The following PPP1R3B variants were observed in gnomAD, a reference collection of about 807,000 sequenced individuals.
PPP1R3B encodes protein phosphatase 1 regulatory subunit 3B, also known as PP1 subunit R4.
In PPP1R3B, 8 loss-of-function variants were observed where a neutral mutation model predicts 14.6. That is an observed-to-expected ratio of 0.55 (90% CI 0.32 to 0.99). The LOEUF (loss-of-function observed/expected upper bound fraction) is 0.99, where lower values mean the gene tolerates loss of function less well. Among genes scored for constraint, PPP1R3B ranks in the 50% least tolerant of loss-of-function variants. The probability of loss-of-function intolerance (pLI) is 0.04; values close to 1 mark genes in which losing one functional copy is unlikely to be tolerated. For synonymous variants in PPP1R3B, 169 were observed against 142.0 expected, an observed-to-expected ratio of 1.19 and a Z score of -1.35; for missense variants, 452 against 360.1, an observed-to-expected ratio of 1.26 and a Z score of -2.07.
rs1421108178 is a variant in PPP1R3B at position 9,139,061 on chromosome 8, G to T, written c.*1733C>A. ...AGCCTCCCGAGTAGCTGGATTACAG[G>T]CGCCTGCCACCACACTCAGCTAAAT... On this transcript the variant is annotated 3_prime_UTR_variant, in exon 2 of 2. Coordinates refer to ENST00000310455, the MANE Select transcript of PPP1R3B (RefSeq NM_024607.4). 6.6e-6 allele frequency: 1 copy of T among 152,234 alleles called. No homozygotes were observed. The highest frequency in any genetic ancestry group is 1.5e-5 in the Non-Finnish European group (1 of 68,106). The allele number at this position is 152,234 out of a possible 1,614,324, so 9.4% of individuals were successfully genotyped here.
chr8:9,145,260 T>C (rs907796179), intron 1 of PPP1R3B: 1 of 152,212 alleles, frequency 6.6e-6, no homozygotes, highest in African/African-American at 2.4e-5. Context: ...GGTCCACGTA[T>C]GCTCAGATTC....
intron 1 of PPP1R3B, among the ~76,000 whole-genome samples, chr8:9,142,129 GCT>G (rs746950172): frequency 2.6e-5 from 4 of 152,322 alleles, no homozygotes; most frequent in Admixed American, 6.5e-5. Flanking sequence ...ATAGGGTGTT[GCT>G]CTGTGCCCAG....
chr8:9,143,915 CTG>C (rs923716658), intron 1 of PPP1R3B, among the ~76,000 whole-genome samples: 5 of 151,942 alleles, frequency 3.3e-5, no homozygotes, highest in African/African-American at 4.8e-5. Flanking sequence ...TACAGACAAA[CTG>C]TGAAAATATT....
rs889126034 is a variant in PPP1R3B, at chr8:9,137,817, G to T, written c.*2977C>A. On this transcript the variant is annotated 3_prime_UTR_variant, in exon 2 of 2. Transcript: ENST00000310455. ...CTTGCCTTCTGAACTGTGCGGCAGG[G>T]TGAGCATCCCAGGTGTGCTGGCTGG... 6.6e-6 allele frequency: 1 copy of T among 152,160 alleles called. No individual in the cohort carries two copies. Among genetic ancestry groups the T allele is most frequent in the African/African-American group, 2.4e-5 (1 of 41,426 alleles). 9.4% of individuals were successfully genotyped at this position (152,160 alleles called of 1,614,324 possible).
At chr8:9,146,027 G>C (rs1470923798) in intron 1 of PPP1R3B, among the ~76,000 whole-genome samples, 2 of 151,764 alleles carry the variant, frequency 1.3e-5, no homozygotes, top group Non-Finnish European at 2.9e-5. Context: ...GCACCTCCAT[G>C]CCCAGCTAAT....
At chr8:9,142,264 T>C (rs1198788659) in intron 1 of PPP1R3B, 1 of 152,668 alleles carries the variant, frequency 6.6e-6, no homozygotes. Flanking sequence ...GCTTGGCTAA[T>C]TTTAAAAAAT....
rs757517427 is a variant in PPP1R3B at position 9,137,779 on chromosome 8, G to A, written c.*3015C>T. On this transcript the variant is annotated 3_prime_UTR_variant, in exon 2 of 2. Coordinates refer to ENST00000310455, the MANE Select transcript of PPP1R3B (RefSeq NM_024607.4). ...TTTATTGGAGAAGAAGGGTCTTTGCGAGCAGGTGAGGACTTGCCTTCTGAA... is the reference window on the plus strand; with the variant it reads ...TTTATTGGAGAAGAAGGGTCTTTGCAAGCAGGTGAGGACTTGCCTTCTGAA... 1 of 152,228 alleles carries A rather than the reference G, an allele frequency of 6.6e-6. No individual in the cohort carries two copies. Among genetic ancestry groups the A allele is most frequent in the African/African-American group, 2.4e-5 (1 of 41,436 alleles). The allele number at this position is 152,228 out of a possible 1,614,324, so 9.4% of individuals were successfully genotyped here.
At position 9,141,557 on chromosome 8, in the gene PPP1R3B, T is replaced by C; in HGVS notation, c.95A>G (p.Lys32Arg). 1 of 1,614,146 alleles carries C rather than the reference T, an allele frequency of 6.2e-7. No homozygotes were observed. The highest frequency in any genetic ancestry group is 8.5e-7 in the Non-Finnish European group (1 of 1,180,030). Reference protein sequence around the residue: ...FAFKISPKPSKPLRPCIQLSS... With the variant: ...FAFKISPKPSRPLRPCIQLSS... ...CAGCTGAATACAAGGCCTCAGTGGT[T>C]TGCTGGGCTTTGGTGAGATCTTAAA... The change falls in exon 2 of 2, where the codon AAA becomes AGA. Residue 32 changes from lysine (K) to arginine (R), a missense_variant. Transcript: ENST00000310455.
Position 9,138,701 on chromosome 8 carries a change from T to A in PPP1R3B, c.*2093A>T, listed in dbSNP as rs137922958. On this transcript the variant is annotated 3_prime_UTR_variant, in exon 2 of 2. Transcript: ENST00000310455. ...CAGGCAACTGTGCTTCCACTCCTCT[T>A]CTTGCTTGCCTTAGGAAAACTTCAC... is the stretch of plus-strand genomic sequence containing the variant. 6 of 152,336 alleles carry A rather than the reference T, an allele frequency of 3.9e-5. No homozygotes were observed. The highest frequency in any genetic ancestry group is 1.2e-4 in the African/African-American group (5 of 41,572). The allele number at this position is 152,336 out of a possible 1,614,324, so 9.4% of individuals were successfully genotyped here.
upstream of PPP1R3B, among the ~76,000 whole-genome samples, chr8:9,150,908 G>A (rs1036507769): frequency 6.6e-6 from 1 of 152,228 alleles, no homozygotes; most frequent in Non-Finnish European, 1.5e-5. Flanking sequence ...CGTTTTATAG[G>A]GAAAATAAGG....
intron 1 of PPP1R3B, chr8:9,145,116 AATATT>A (rs1340334094): frequency 6.6e-6 from 1 of 152,008 alleles, no homozygotes; most frequent in Admixed American, 6.5e-5. Flanking sequence ...ATGAAAAAAA[AATATT>A]ATATATTTAT....
chr8:9,147,885 C>T (rs933353688), intron 1 of PPP1R3B, among the ~76,000 whole-genome samples: 1 of 152,120 alleles, frequency 6.6e-6, no homozygotes, highest in African/African-American at 2.4e-5. Context: ...GAGTTACCCG[C>T]AGGACTACTA....
Position 9,147,604 on chromosome 8 carries a change from G to C in PPP1R3B, c.-18+2959C>G, listed in dbSNP as rs1290110229. On this transcript the variant is annotated intron_variant, in intron 1 of 1. Coordinates refer to ENST00000310455, the MANE Select transcript of PPP1R3B (RefSeq NM_024607.4). ...CAAAGAATCTACACACAGCCCACTA[G>C]AGCCAATGTCCCAAGTTCTAATCCC... Among the ~76,000 whole-genome samples, 7 of 152,184 alleles carry C rather than the reference G, an allele frequency of 4.6e-5. No individual in the cohort carries two copies. The South Asian group carries it at 1.2e-3, about 27-fold the overall frequency.
In PPP1R3B at chr8:9,139,309, C is replaced by T. The variant is rs894287854; in HGVS notation, c.*1485G>A. ...TCTCTGAAATTTCAGAGTTGGCAAA[C>T]GTTTAAAATAACGTATAAGAACTTG... On this transcript the variant is annotated 3_prime_UTR_variant, in exon 2 of 2. Transcript: ENST00000310455. 6.6e-6 allele frequency: 1 copy of T among 152,174 alleles called. No individual in the cohort carries two copies. The highest frequency in any genetic ancestry group is 1.5e-5 in the Non-Finnish European group (1 of 68,026). 9.4% of individuals were successfully genotyped at this position (152,174 alleles called of 1,614,324 possible). A position where few individuals can be genotyped will look rare whatever the true frequency, so the allele number is the denominator to read the frequency against.
chr8:9,141,022 A>G lies in PPP1R3B; in HGVS notation c.630T>C (p.Phe210=). 2 of 1,614,172 alleles carry G rather than the reference A, an allele frequency of 1.2e-6. No homozygotes were observed. The highest frequency in any genetic ancestry group is 1.3e-5 in the African/African-American group (1 of 75,040). The change falls in exon 2 of 2, where the codon TTT becomes TTC. Residue 210 remains phenylalanine (F), a synonymous_variant. Transcript: ENST00000310455. ...EKIQSYERME[F]AVYYECNGQT... ...GTCCATTGCACTCGTAGTACACAGCAAACTCCATTCTTTCATAAGACTGAA... is the reference window on the plus strand; with the variant it reads ...GTCCATTGCACTCGTAGTACACAGCGAACTCCATTCTTTCATAAGACTGAA...
At chr8:9,144,972 C>T (rs1801192822) in intron 1 of PPP1R3B, among the ~76,000 whole-genome samples, 1 of 152,124 alleles carries the variant, frequency 6.6e-6, no homozygotes, top group African/African-American at 2.4e-5. Context: ...TCTCAAACTC[C>T]TGACCTCAGG....
chr8:9,141,502 C>T lies in PPP1R3B; in HGVS notation c.150G>A (p.Val50=), dbSNP rs1164999707. ...LSSKNEASGM[V]APAVQEKKVK... ...CCTTCTTCTCCTGGACAGCCGGGGCCACCATTCCACTGGCTTCATTCTTGC... is the reference window on the plus strand; with the variant it reads ...CCTTCTTCTCCTGGACAGCCGGGGCTACCATTCCACTGGCTTCATTCTTGC... The change falls in exon 2 of 2, where the codon GTG becomes GTA. Residue 50 remains valine (V), a synonymous_variant. Transcript: ENST00000310455. 1 of 1,614,124 alleles carries T rather than the reference C, an allele frequency of 6.2e-7. No homozygotes were observed. The highest frequency in any genetic ancestry group is 2.2e-5 in the East Asian group (1 of 44,870).
At chr8:9,144,339 C>T (rs1243906805) in intron 1 of PPP1R3B, among the ~76,000 whole-genome samples, 1 of 151,824 alleles carries the variant, frequency 6.6e-6, no homozygotes. Context: ...AGGCATGAGC[C>T]ACCATGTCCG....
rs1801067899 is a variant in PPP1R3B, at chr8:9,141,117, A to G, written c.535T>C (p.Tyr179His). 1.2e-6 allele frequency: 2 copies of G among 1,614,074 alleles called. No homozygotes were observed. The highest frequency in any genetic ancestry group is 1.3e-5 in the African/African-American group (1 of 74,932). ...GAACCGGCATAAGTGTCCTTCACGT[A>G]CTGACAAGGAAAGTCTGTGTAGCTC... is the stretch of plus-strand genomic sequence containing the variant. Reference protein sequence around the residue: ...WKSYTDFPCQYVKDTYAGSDR... With the variant: ...WKSYTDFPCQHVKDTYAGSDR... Residue 179 changes from tyrosine (Y) to histidine (H), a missense_variant, in exon 2 of 2, where the codon TAC (tyrosine) becomes CAC (histidine). Transcript: ENST00000310455.
Sources: gnomAD v4.1 joint callset for allele counts (sites outside exome capture counted in the v4.1 genomes callset) on GRCh38, gnomAD v4.1.1 for gene constraint, MANE v1.5 for transcripts, NCBI Gene and HGNC (gene_info 2026-07-23, HGNC 2026-07-21) for gene names.